CNTNAP4: variants seen among roughly 807,000 people sequenced by gnomAD.
CNTNAP4 encodes contactin associated protein family member 4.
Under a neutral mutation model 148.4 loss-of-function variants are expected in CNTNAP4, and 98 were observed. That is an observed-to-expected ratio of 0.66 (90% CI 0.56 to 0.78). The LOEUF (loss-of-function observed/expected upper bound fraction) is 0.78. CNTNAP4 is among the 30% of genes least tolerant of loss of function. The probability of loss-of-function intolerance (pLI) is 0.00; values close to 1 mark genes in which losing one functional copy is unlikely to be tolerated. For synonymous variants in CNTNAP4, 730 were observed against 565.1 expected, an observed-to-expected ratio of 1.29 and a Z score of -4.14; for missense variants, 1,935 against 1,565.6, an observed-to-expected ratio of 1.24 and a Z score of -3.98.
At chr16:76,428,595 CAG>C (rs910693572) in intron 4 of CNTNAP4, among the ~76,000 whole-genome samples, 4 of 152,028 alleles carry the variant, frequency 2.6e-5, no homozygotes, top group Admixed American at 6.6e-5. Flanking sequence ...CTCTATCCGA[CAG>C]AGAGATCACA....
chr16:76,392,503 A>G (rs2078060298), intron 3 of CNTNAP4, among the ~76,000 whole-genome samples: 1 of 152,188 alleles, frequency 6.6e-6, no homozygotes, highest in South Asian at 2.1e-4. Flanking sequence ...TTCATTATAT[A>G]TATTTTTTTC....
At chr16:76,282,604 A>G (rs1958728935) in intron 1 of CNTNAP4, among the ~76,000 whole-genome samples, 1 of 151,910 alleles carries the variant, frequency 6.6e-6, no homozygotes, top group East Asian at 1.9e-4. Context: ...AAATTGGCCA[A>G]CTTTCTAGAA....
At chr16:76,400,591 G>T (rs1265597113) in intron 3 of CNTNAP4, among the ~76,000 whole-genome samples, 2 of 152,132 alleles carry the variant, frequency 1.3e-5, no homozygotes, top group Non-Finnish European at 2.9e-5. Context: ...TGCTTTCAAT[G>T]TCTTTGTCAT....
intron 15 of CNTNAP4, among the ~76,000 whole-genome samples, chr16:76,516,170 C>T (rs2083245437): frequency 6.6e-6 from 1 of 150,822 alleles, no homozygotes; most frequent in South Asian, 2.1e-4. Context: ...TTAACTCCCA[C>T]TTACAAGTGA....
chr16:76,546,900 A>G (rs1370187661), intron 21 of CNTNAP4, among the ~76,000 whole-genome samples: 2 of 152,242 alleles, frequency 1.3e-5, no homozygotes, highest in African/African-American at 4.8e-5. Context: ...CATAAAAATT[A>G]TCCCCCTTGC....
intron 15 of CNTNAP4, among the ~76,000 whole-genome samples, chr16:76,514,353 TTA>T (rs2083154981): frequency 6.6e-6 from 1 of 152,212 alleles, no homozygotes; most frequent in African/African-American, 2.4e-5. Context: ...TAAAATAAAA[TTA>T]TATGTGTGTA....
intron 1 of CNTNAP4, among the ~76,000 whole-genome samples, chr16:76,314,741 A>G (rs1597161060): frequency 6.6e-6 from 1 of 152,182 alleles, no homozygotes; most frequent in East Asian, 1.9e-4. Flanking sequence ...TCTCAGCCTC[A>G]TTTTCCTAGC....
chr16:76,508,816 G>A (rs2082916301), intron 15 of CNTNAP4, among the ~76,000 whole-genome samples: 1 of 84,522 alleles, frequency 1.2e-5, no homozygotes, highest in Admixed American at 1.3e-4. Flanking sequence ...GCAGTGGCAC[G>A]ATCTCGGCTC....
chr16:76,392,638 C>G (rs1424347691), intron 3 of CNTNAP4, among the ~76,000 whole-genome samples: 1 of 152,082 alleles, frequency 6.6e-6, no homozygotes, highest in East Asian at 1.9e-4. Context: ...CAGGTCTGCT[C>G]AAGTACATAC....
rs1228639121 is a variant in CNTNAP4 at position 76,316,446 on chromosome 16, C to G, written c.119C>G (p.Pro40Arg). Residue 40 changes from proline (P) to arginine (R), a missense_variant, in exon 2 of 24, where the codon CCT becomes CGT. Transcript: ENST00000611870. Reference protein sequence around the residue: ...DCDDPLVSALPQASFSSSSEL... With the variant: ...DCDDPLVSALRQASFSSSSEL... Reference sequence around the variant, plus strand: ...GATGATCCTCTTGTGTCTGCCTTGCCTCAGGCATCCTTCAGCAGTTCTTCC... The same window carrying G: ...GATGATCCTCTTGTGTCTGCCTTGCGTCAGGCATCCTTCAGCAGTTCTTCC... 1.1e-5 allele frequency: 17 copies of G among 1,613,868 alleles called. No individual in the cohort carries two copies. The highest frequency in any genetic ancestry group is 1.4e-5 in the Non-Finnish European group (17 of 1,179,800).
chr16:76,349,642 A>G (rs1026633368), intron 2 of CNTNAP4, among the ~76,000 whole-genome samples: 1 of 152,122 alleles, frequency 6.6e-6, no homozygotes, highest in Non-Finnish European at 1.5e-5. Context: ...ATGAAATCGC[A>G]TTTGAAAAAA....
intron 23 of CNTNAP4, among the ~76,000 whole-genome samples, chr16:76,554,581 C>T (rs751027452): frequency 6.6e-6 from 1 of 151,750 alleles, no homozygotes; most frequent in Non-Finnish European, 1.5e-5. Context: ...AAAAAACAAG[C>T]TTTTTTTCTT....
At chr16:76,394,546 G>A (rs573131556) in intron 3 of CNTNAP4, among the ~76,000 whole-genome samples, 1 of 152,008 alleles carries the variant, frequency 6.6e-6, no homozygotes, top group Non-Finnish European at 1.5e-5. Flanking sequence ...TAGAGTGATG[G>A]GATTATGAGT....
chr16:76,460,518 T>G (rs1209583805), intron 8 of CNTNAP4, among the ~76,000 whole-genome samples: 1 of 147,962 alleles, frequency 6.8e-6, no homozygotes, highest in Non-Finnish European at 1.5e-5. Flanking sequence ...TCCCAGCACT[T>G]TGGGAAGCCG....
intron 3 of CNTNAP4, 75 bp from the exon 4 acceptor site, chr16:76,427,377 A>T (rs2079446353): frequency 1.5e-6 from 2 of 1,307,204 alleles, no homozygotes; most frequent in African/African-American, 1.5e-5. Flanking sequence ...CACATTGCTA[A>T]TAGACATTAT....
At chr16:76,550,269 T>C (rs2084906303) in intron 21 of CNTNAP4, among the ~76,000 whole-genome samples, 1 of 152,230 alleles carries the variant, frequency 6.6e-6, no homozygotes, top group Non-Finnish European at 1.5e-5. Flanking sequence ...TGTTTCTATG[T>C]TTATTGTCTC....
chr16:76,513,710 A>G (rs767550367), intron 15 of CNTNAP4, among the ~76,000 whole-genome samples: 9 of 152,198 alleles, frequency 5.9e-5, no homozygotes, highest in African/African-American at 1.4e-4. Flanking sequence ...TGTAAAGACT[A>G]TAAGTGTGCA....
intron 3 of CNTNAP4, among the ~76,000 whole-genome samples, chr16:76,358,470 G>C (rs925180162): frequency 6.6e-6 from 1 of 152,226 alleles, no homozygotes; most frequent in African/African-American, 2.4e-5. Flanking sequence ...AGAATATGGA[G>C]ATCATTGTAA....
At chr16:76,289,315 A>C (rs1959016643) in intron 1 of CNTNAP4, among the ~76,000 whole-genome samples, 1 of 152,194 alleles carries the variant, frequency 6.6e-6, no homozygotes. Context: ...TTTCAACTCC[A>C]TCCAGTTTGG....
Sources: gnomAD v4.1 joint callset for allele counts (sites outside exome capture counted in the v4.1 genomes callset) on GRCh38, gnomAD v4.1.1 for gene constraint, MANE v1.5 for transcripts, NCBI Gene and HGNC (gene_info 2026-07-23, HGNC 2026-07-21) for gene names.